The following CYLD variants were observed in gnomAD, a reference collection of about 807,000 sequenced individuals.
CYLD encodes the protein ubiquitin carboxyl-terminal hydrolase CYLD.
CYLD carries 26 observed loss-of-function variants against 104.5 expected under a neutral mutation model. The observed-to-expected ratio is 0.25, with a 90% confidence interval of 0.18 to 0.35. The LOEUF is 0.35. CYLD is among the 10% of genes least tolerant of loss of function. The pLI, the probability that CYLD is intolerant of heterozygous loss-of-function variation, is 1.00. For missense variants in CYLD, 703 were observed against 1,136.1 expected, an observed-to-expected ratio of 0.62 and a Z score of 5.48; for synonymous variants, 385 against 399.9, an observed-to-expected ratio of 0.96 and a Z score of 0.45.
At chr16:50,775,075 TTTCC>T in intron 5 of CYLD, 87 bp from the exon 6 acceptor site, 1 of 1,045,662 alleles carries the variant, frequency 9.6e-7, no homozygotes, top group Non-Finnish European at 1.4e-6. Context: ...AGAAAAGTCT[TTTCC>T]TTGTGTTTAA....
chr16:50,785,937 A>T (rs772556078), intron 12 of CYLD: 2 of 152,258 alleles, frequency 1.3e-5, no homozygotes, highest in Non-Finnish European at 2.9e-5. Flanking sequence ...AATGAATAGT[A>T]TAAAAAGTGG....
rs542579675 is a variant in CYLD, at chr16:50,799,224, G to A, written c.*2716G>A. On this transcript the variant is annotated 3_prime_UTR_variant, in exon 19 of 19. Coordinates refer to ENST00000427738, the MANE Select transcript of CYLD (RefSeq NM_001378743.1). The stretch of plus-strand genomic sequence containing the variant: ...AATTATCTTATTTATAACACGGTTC[G>A]TGATTCATGATTCATGATTACAAGT... The A allele has an allele frequency of 9.4e-5, 22 of 233,330 alleles. No individual in the cohort carries two copies. In the East Asian group the frequency reaches 9.6e-4, roughly 10 times the overall value. The allele number at this position is 233,330 out of a possible 1,614,324, so 14.5% of individuals were successfully genotyped here.
chr16:50,760,111 T>C (rs1352612238), intron 5 of CYLD, among the ~76,000 whole-genome samples: 1 of 152,196 alleles, frequency 6.6e-6, no homozygotes, highest in Non-Finnish European at 1.5e-5. Flanking sequence ...ATCCGTCACG[T>C]TTTCTTGTGC....
intron 5 of CYLD, among the ~76,000 whole-genome samples, chr16:50,769,695 G>T (rs1968934413): frequency 6.6e-6 from 1 of 152,114 alleles, no homozygotes; most frequent in African/African-American, 2.4e-5. Flanking sequence ...CAAGACGTGT[G>T]CAACATCACA....
intron 12 of CYLD, chr16:50,786,352 A>G (rs17223195): frequency 0.38 from 59,818 of 157,882 alleles, 11,760 homozygotes; most frequent in Non-Finnish European, 0.41. Context: ...AATAGTGTCT[A>G]GGATAATTCT....
At chr16:50,768,698 A>G (rs1968789070) in intron 5 of CYLD, among the ~76,000 whole-genome samples, 1 of 152,234 alleles carries the variant, frequency 6.6e-6, no homozygotes, top group Non-Finnish European at 1.5e-5. Flanking sequence ...CATATCAATT[A>G]GCACCACCCC....
At position 50,791,565 on chromosome 16, in the gene CYLD, G is replaced by C; in HGVS notation, c.2116G>C (p.Gly706Arg). Residue 706 changes from glycine (G) to arginine (R), a missense_variant, in exon 15 of 19, where the codon GGT becomes CGT. Physicochemically the swap from Gly to Arg is moderately radical, Grantham distance 125. Around this residue, in one of 5 missense-constraint regions of CYLD, gnomAD observed 125 missense variants for 325.4 expected, o/e 0.38. Transcript: ENST00000427738. ...TTCTCTGCGTGTTTTTAGATCAGCA[G>C]GTCAAAAGGTACAAGATTGTTACTT... The part of the protein sequence containing the change: ...VEPLLKIRSA[G>R]QKVQDCYFYQ... 1.2e-6 allele frequency: 2 copies of C among 1,613,782 alleles called. No homozygotes were observed. Among genetic ancestry groups the C allele is most frequent in the Non-Finnish European group, 1.7e-6 (2 of 1,179,810 alleles).
In CYLD at chr16:50,793,534, C is replaced by G; in HGVS notation, c.2351-12C>G. On this transcript the variant is annotated splice_polypyrimidine_tract_variant and intron_variant, in intron 16 of 18. Coordinates refer to ENST00000427738, the MANE Select transcript of CYLD (RefSeq NM_001378743.1). ...AGTCCTCTTAACTTCCCTTCCCCTTCTCACATTTCAGCTCCCAGACAGTGC... is the reference window on the plus strand; with the variant it reads ...AGTCCTCTTAACTTCCCTTCCCCTTGTCACATTTCAGCTCCCAGACAGTGC... 1.3e-5 allele frequency: 20 copies of G among 1,560,008 alleles called. No individual in the cohort carries two copies. The highest frequency in any genetic ancestry group is 1.8e-5 in the Non-Finnish European group (20 of 1,130,646).
intron 5 of CYLD, among the ~76,000 whole-genome samples, chr16:50,764,451 T>C (rs1199995918): frequency 6.6e-6 from 1 of 152,206 alleles, no homozygotes; most frequent in Non-Finnish European, 1.5e-5. Flanking sequence ...TAAAAGCCTC[T>C]TAATTTTCTG....
In CYLD at chr16:50,777,924, C is replaced by T. The variant is rs1473773857; in HGVS notation, c.1121C>T (p.Thr374Ile). The T allele has an allele frequency of 1.0e-5, 16 of 1,552,228 alleles. No homozygotes were observed. Among genetic ancestry groups the T allele is most frequent in the East Asian group, 2.3e-5 (1 of 44,424 alleles). ...CAACCACAATCCAAATCAAAAAATA[C>T]ATGGTACATTGATGAAGGTAATCAG... The part of the protein sequence containing the change: ...DSQPQSKSKN[T>I]WYIDEVAEDP... Residue 374 changes from threonine to isoleucine, a missense_variant, in exon 8 of 19, where the codon ACA becomes ATA. This residue lies in a region of CYLD where 183 missense variants were observed against 212.1 expected (regional missense o/e 0.86). Coordinates refer to ENST00000427738, the MANE Select transcript of CYLD (RefSeq NM_001378743.1).
rs983004969 is a variant in CYLD at position 50,798,815 on chromosome 16, C to T, written c.*2307C>T. 6 of 233,318 alleles carry T rather than the reference C, an allele frequency of 2.6e-5. No individual in the cohort carries two copies. The highest frequency in any genetic ancestry group is 5.1e-5 in the Non-Finnish European group (6 of 118,076). The allele number at this position is 233,318 out of a possible 1,614,324, so 14.5% of individuals were successfully genotyped here. On this transcript the variant is annotated 3_prime_UTR_variant, in exon 19 of 19. Transcript: ENST00000427738. ...CTCATCCATAAATGATTTCTGGCAA[C>T]GTCTTCTTCAGGTGGAGCTTGACGT...
chr16:50,782,848 A>G (rs1299190129), intron 11 of CYLD, among the ~76,000 whole-genome samples: 1 of 152,176 alleles, frequency 6.6e-6, no homozygotes, highest in East Asian at 1.9e-4. Flanking sequence ...GTCTTTAAAA[A>G]AACGATTTTC....
intron 13 of CYLD, 124 bp from the exon 14 acceptor site, chr16:50,787,662 T>C (rs762160237): frequency 1.7e-6 from 1 of 600,284 alleles, no homozygotes; most frequent in South Asian, 2.0e-5. Flanking sequence ...ACTGTGCTTT[T>C]AATTGAAATA....
In CYLD at chr16:50,794,619, G is replaced by GC; in HGVS notation, c.2686+191_2686+192insC. ...GCTGAACTAAGGAATAATATGCTGT[G>GC]TTTTTTTTTTTCCTTTTTTGAGATG... On this transcript the variant is annotated intron_variant, in intron 18 of 18. Coordinates refer to ENST00000427738, the MANE Select transcript of CYLD (RefSeq NM_001378743.1). The surrounding 1 kb of genome is among the most constrained non-coding windows in gnomAD (Gnocchi z 4.1). 3.7e-6 allele frequency: 2 copies of GC among 540,024 alleles called. No individual in the cohort carries two copies. The highest frequency in any genetic ancestry group is 2.1e-5 in the South Asian group (1 of 46,540). 33.5% of individuals were successfully genotyped at this position (540,024 alleles called of 1,614,324 possible).
Position 50,749,694 on chromosome 16 carries a change from T to C in CYLD, c.-5T>C. ...TTGAATTAGTATTTTGAAGTTAATA[T>C]CACAATGAGTTCAGGCTTATGGAGC... On this transcript the variant is annotated 5_prime_UTR_variant, in exon 3 of 19. Coordinates refer to ENST00000427738, the MANE Select transcript of CYLD (RefSeq NM_001378743.1). 1 of 1,613,330 alleles carries C rather than the reference T, an allele frequency of 6.2e-7. No homozygotes were observed. The highest frequency in any genetic ancestry group is 1.1e-5 in the South Asian group (1 of 91,004).
chr16:50,776,156 A>G, intron 6 of CYLD, 23 bp from the exon 7 acceptor site: 1 of 1,554,354 alleles, frequency 6.4e-7, no homozygotes, highest in Non-Finnish European at 8.9e-7. Context: ...CTTTATCTTT[A>G]AAAAACATGC....
intron 5 of CYLD, among the ~76,000 whole-genome samples, chr16:50,756,154 G>A (rs1967210630): frequency 6.6e-6 from 1 of 152,176 alleles, no homozygotes; most frequent in African/African-American, 2.4e-5. Flanking sequence ...AAATAATTAA[G>A]ATTTTTGTTT....
chr16:50,785,843 T>G (rs1970757788), intron 12 of CYLD: 1 of 152,258 alleles, frequency 6.6e-6, no homozygotes, highest in East Asian at 1.9e-4. Context: ...CTTACTCATT[T>G]TGTATTCCCA....
At chr16:50,767,938 G>T (rs553716288) in intron 5 of CYLD, among the ~76,000 whole-genome samples, 1 of 152,104 alleles carries the variant, frequency 6.6e-6, no homozygotes, top group Non-Finnish European at 1.5e-5. Context: ...TTCATTAGTA[G>T]TATTTATCTT....
Sources: gnomAD v4.1 joint callset for allele counts (sites outside exome capture counted in the v4.1 genomes callset) on GRCh38, gnomAD v4.1.1 for gene constraint, gnomAD v4.1.1 regional missense constraint, Gnocchi (gnomAD v3.1) non-coding constraint, MANE v1.5 for transcripts, NCBI Gene and HGNC (gene_info 2026-07-23, HGNC 2026-07-21) for gene names.